IFT88: variants seen among roughly 807,000 people sequenced by gnomAD.
IFT88 encodes the protein intraflagellar transport 88, also known as intraflagellar transport protein 88 homolog.
A neutral mutation model predicts 119.5 loss-of-function variants in IFT88; 74 were observed. The ratio of observed to expected loss-of-function variants is 0.62; its 90% CI spans 0.51 to 0.75. The LOEUF is 0.75. Among genes scored for constraint, IFT88 ranks in the 30% least tolerant of loss-of-function variants. The pLI is 0.00. For missense variants in IFT88, 961 were observed against 977.7 expected (o/e 0.98, Z 0.23); for synonymous variants, 279 against 316.7 (o/e 0.88, Z 1.26).
At chr13:20,640,395 A>C (rs1390169995) in intron 17 of IFT88, among the ~76,000 whole-genome samples, 2 of 151,454 alleles carry the variant, frequency 1.3e-5, no homozygotes, top group Non-Finnish European at 2.9e-5. Context: ...AACACAGTGA[A>C]ACCCCGTCTC....
chr13:20,631,019 G>C lies in IFT88; in HGVS notation c.1303G>C (p.Val435Leu). The C allele has an allele frequency of 6.4e-7, 1 of 1,567,128 alleles. No homozygotes were observed. Among genetic ancestry groups the C allele is most frequent in the Non-Finnish European group, 8.8e-7 (1 of 1,137,566 alleles). ...CCTTCAGATATTCCATTTCTAGGCT[G>C]TAGAGATCTTAAAAGTGTTGGAAAA... ...YLRQKDYNQA[V>L]EILKVLEKKD... Residue 435 changes from valine to leucine, a missense_variant, in exon 16 of 26, where the codon GTA becomes CTA. By Grantham distance (32) the Val-to-Leu change is conservative. Transcript: ENST00000351808.
chr13:20,669,191 T>A (rs1241150987), intron 23 of IFT88, among the ~76,000 whole-genome samples: 1 of 152,090 alleles, frequency 6.6e-6, no homozygotes, highest in Non-Finnish European at 1.5e-5. Flanking sequence ...AAGTAGGAAT[T>A]TAAAGAGTTT....
intron 1 of IFT88, among the ~76,000 whole-genome samples, chr13:20,568,315 G>T (rs1351606056): frequency 6.6e-6 from 1 of 152,164 alleles, no homozygotes; most frequent in Non-Finnish European, 1.5e-5. Context: ...CAGAAACCCT[G>T]GGTTGTATAA....
chr13:20,665,390 T>G (rs997680313), intron 23 of IFT88, among the ~76,000 whole-genome samples: 3 of 152,320 alleles, frequency 2.0e-5, no homozygotes, highest in African/African-American at 7.2e-5. Context: ...ACCCTTTTGG[T>G]TATATTTCTT....
chr13:20,672,014 A>G (rs2055958739), intron 24 of IFT88, among the ~76,000 whole-genome samples: 1 of 152,204 alleles, frequency 6.6e-6, no homozygotes, highest in African/African-American at 2.4e-5. Context: ...CGTGGTCCCC[A>G]TGCTCAAAGA....
chr13:20,597,051 A>G lies in IFT88; in HGVS notation c.526A>G (p.Arg176Gly). Residue 176 changes from arginine to glycine, a missense_variant, in exon 9 of 26, where the codon AGA (arginine) becomes GGA (glycine). Arg to Gly is a moderately radical substitution (Grantham distance 125, BLOSUM62 -2). Transcript: ENST00000351808. ...EKAKDAGRKE[R>G]VLVRQREQVT... ...GGCAAAAGATGCAGGAAGAAAAGAGAGAGTCCTGGTGAGACAGCGAGAACA... is the reference window on the plus strand; with the variant it reads ...GGCAAAAGATGCAGGAAGAAAAGAGGGAGTCCTGGTGAGACAGCGAGAACA... 6.2e-7 allele frequency: 1 copy of G among 1,607,768 alleles called. No individual in the cohort carries two copies. The highest frequency in any genetic ancestry group is 8.5e-7 in the Non-Finnish European group (1 of 1,176,972).
At chr13:20,676,673 A>G (rs1415958223) in intron 24 of IFT88, among the ~76,000 whole-genome samples, 5 of 152,230 alleles carry the variant, frequency 3.3e-5, no homozygotes, top group African/African-American at 1.2e-4. Context: ...ATAAAAATAA[A>G]TGTTGGTTCT....
chr13:20,633,557 A>T (rs1340873627), intron 16 of IFT88, among the ~76,000 whole-genome samples: 3 of 152,214 alleles, frequency 2.0e-5, no homozygotes, highest in Non-Finnish European at 4.4e-5. Flanking sequence ...TTTTGAATTT[A>T]GAAAATCACT....
intron 1 of IFT88, among the ~76,000 whole-genome samples, chr13:20,568,180 A>T (rs367929083): frequency 2.2e-4 from 32 of 142,266 alleles, no homozygotes; most frequent in Admixed American, 4.2e-4. Context: ...CCTTTCACTT[A>T]AAAAAAAAAA....
intron 3 of IFT88, among the ~76,000 whole-genome samples, chr13:20,587,458 A>G (rs2039889307): frequency 6.6e-6 from 1 of 152,148 alleles, no homozygotes; most frequent in Middle Eastern, 3.4e-3. Flanking sequence ...GAGTTTCACC[A>G]TGTTAGTCAG....
rs2048138617 is a variant in IFT88 at position 20,631,081 on chromosome 13, T to C, written c.1365T>C (p.Asn455=). The C allele has an allele frequency of 6.2e-7, 1 of 1,601,992 alleles. No homozygotes were observed. ...GAGTGAAAAGTGCAGCTGCAACCAATCTCTCAGCCCTGTATTATATGGTAA... is the reference window on the plus strand; with the variant it reads ...GAGTGAAAAGTGCAGCTGCAACCAACCTCTCAGCCCTGTATTATATGGTAA... ...DSRVKSAAAT[N]LSALYYMGKD... The change falls in exon 16 of 26, where the codon AAT becomes AAC. Residue 455 remains asparagine, a synonymous_variant. Coordinates refer to ENST00000351808, the MANE Select transcript of IFT88 (RefSeq NM_006531.5).
chr13:20,603,869 G>T (rs1218789410), intron 12 of IFT88, among the ~76,000 whole-genome samples: 1 of 152,006 alleles, frequency 6.6e-6, no homozygotes, highest in African/African-American at 2.4e-5. Flanking sequence ...CTGCACACTA[G>T]CTTGGGTGAC....
chr13:20,580,623 T>C (rs1051438115), intron 2 of IFT88, among the ~76,000 whole-genome samples: 2 of 152,134 alleles, frequency 1.3e-5, no homozygotes, highest in Non-Finnish European at 2.9e-5. Context: ...AGTGAAAAAA[T>C]TTATGCATAA....
intron 1 of IFT88, among the ~76,000 whole-genome samples, chr13:20,573,330 T>C (rs972184240): frequency 1.6e-4 from 24 of 152,012 alleles, no homozygotes; most frequent in African/African-American, 5.1e-4. Flanking sequence ...CCTGCCCCAC[T>C]TTTTTGCCTT....
intron 10 of IFT88, among the ~76,000 whole-genome samples, 188 bp downstream of exon 10, chr13:20,598,941 G>A (rs2042176035): frequency 6.6e-6 from 1 of 151,990 alleles, no homozygotes; most frequent in African/African-American, 2.4e-5. Context: ...AATATAGTTA[G>A]TATGAGGTAT....
Position 20,607,168 on chromosome 13 carries a change from CCTG to C in IFT88, c.1112+2074_1112+2076del, listed in dbSNP as rs554678945. Reference sequence around the variant, plus strand: ...ACATCCTGGTACTGTACGTGGGGCTCCTGCTGCTGCTGCACGCCTGGCGCTTGC... The same window carrying C: ...ACATCCTGGTACTGTACGTGGGGCTCCTGCTGCTGCACGCCTGGCGCTTGC... On this transcript the variant is annotated intron_variant, in intron 13 of 25. Coordinates refer to ENST00000351808, the MANE Select transcript of IFT88 (RefSeq NM_006531.5). The C allele has an allele frequency of 1.3e-3, 508 of 397,440 alleles. 5 individuals are homozygous for C. The highest frequency in any genetic ancestry group is 8.2e-3 in the African/African-American group (389 of 47,634). The allele number at this position is 397,440 out of a possible 1,614,324, so 24.6% of individuals were successfully genotyped here.
chr13:20,668,671 C>G (rs980102802), intron 23 of IFT88, among the ~76,000 whole-genome samples: 3 of 152,122 alleles, frequency 2.0e-5, no homozygotes, highest in Admixed American at 6.5e-5. Context: ...GAGTCGGACC[C>G]TGAGCATAAT....
chr13:20,568,698 T>A (rs543019910), intron 1 of IFT88, among the ~76,000 whole-genome samples: 47 of 152,304 alleles, frequency 3.1e-4, no homozygotes, highest in African/African-American at 1.1e-3. Flanking sequence ...TTTATATATC[T>A]TTTACCAGTG....
chr13:20,654,662 C>T (rs2052429702), intron 21 of IFT88, among the ~76,000 whole-genome samples: 1 of 152,162 alleles, frequency 6.6e-6, no homozygotes, highest in Non-Finnish European at 1.5e-5. Flanking sequence ...TTCTTTATCT[C>T]TGTGAGCACC....
Sources: gnomAD v4.1 joint callset for allele counts (sites outside exome capture counted in the v4.1 genomes callset) on GRCh38, gnomAD v4.1.1 for gene constraint, MANE v1.5 for transcripts, NCBI Gene and HGNC (gene_info 2026-07-23, HGNC 2026-07-21) for gene names.